Variants in GNA14 observed in about 807,000 individuals in gnomAD.
GNA14 encodes G protein subunit alpha 14.
GNA14 carries 50 observed loss-of-function variants against 42.0 expected under a neutral mutation model. The observed-to-expected ratio is 1.19, with a 90% CI of 0.95 to 1.51. The LOEUF is 1.51. Ranked by LOEUF, GNA14 falls within the 40% of genes most tolerant of loss-of-function variation. The pLI, the probability that GNA14 is intolerant of heterozygous loss-of-function variation, is 0.00. For synonymous variants in GNA14, 173 were observed against 163.1 expected (o/e 1.06, Z -0.46); for missense variants, 473 against 446.2 (o/e 1.06, Z -0.54).
intron 2 of GNA14, among the ~76,000 whole-genome samples, chr9:77,490,141 C>T (rs1279726962): frequency 1.3e-5 from 2 of 152,172 alleles, no homozygotes; most frequent in Non-Finnish European, 2.9e-5. Context: ...ATTTACAATC[C>T]CTGAGCTAGA....
At chr9:77,600,994 C>A (rs1356917097) in intron 1 of GNA14, among the ~76,000 whole-genome samples, 1 of 152,108 alleles carries the variant, frequency 6.6e-6, no homozygotes, top group African/African-American at 2.4e-5. Context: ...AGGAAAGGGT[C>A]GTCCGAGAAT....
intron 1 of GNA14, among the ~76,000 whole-genome samples, chr9:77,590,385 A>C (rs1823372058): frequency 6.6e-6 from 1 of 152,138 alleles, no homozygotes; most frequent in Non-Finnish European, 1.5e-5. Flanking sequence ...TCACAACAAA[A>C]CCAGCACAAT....
chr9:77,619,286 A>T (rs1823884575), intron 1 of GNA14, among the ~76,000 whole-genome samples: 2 of 152,154 alleles, frequency 1.3e-5, no homozygotes, highest in Non-Finnish European at 2.9e-5. Context: ...AGTTCACTGC[A>T]ACCTCCGCCT....
intron 2 of GNA14, among the ~76,000 whole-genome samples, chr9:77,481,329 G>A (rs989666543): frequency 7.2e-5 from 11 of 152,176 alleles, no homozygotes; most frequent in African/African-American, 2.7e-4. Context: ...TCAGGAGCAG[G>A]TTGTTCAGTT....
intron 2 of GNA14, among the ~76,000 whole-genome samples, chr9:77,476,719 C>T (rs540803463): frequency 2.0e-5 from 3 of 152,090 alleles, no homozygotes; most frequent in Admixed American, 6.6e-5. Context: ...GGAGGAGTAA[C>T]AAGAAAATTT....
intron 2 of GNA14, among the ~76,000 whole-genome samples, chr9:77,463,006 TAAAC>T (rs2131713781): frequency 6.6e-6 from 1 of 152,228 alleles, no homozygotes; most frequent in African/African-American, 2.4e-5. Flanking sequence ...CCAAGGGTAA[TAAAC>T]AACTCGAGGG....
At chr9:77,499,704 G>A (rs771312522) in intron 2 of GNA14, among the ~76,000 whole-genome samples, 10 of 151,958 alleles carry the variant, frequency 6.6e-5, no homozygotes, top group Non-Finnish European at 1.2e-4. Context: ...ACAAAAATTA[G>A]CCGGGCATGG....
At chr9:77,467,945 T>C (rs1210412273) in intron 2 of GNA14, among the ~76,000 whole-genome samples, 1 of 152,178 alleles carries the variant, frequency 6.6e-6, no homozygotes, top group Admixed American at 6.5e-5. Context: ...TTGACCTATC[T>C]ATGTCTGAAT....
In GNA14 at chr9:77,558,929, C is replaced by CAA. The variant is rs796275094; in HGVS notation, c.125-29678_125-29677dup. Among the ~76,000 whole-genome samples the CAA allele has an allele frequency of 4.6e-4, 67 of 144,916 alleles. 2 individuals are homozygous for CAA. Among genetic ancestry groups the CAA allele is most frequent in the East Asian group, 2.4e-3 (12 of 4,920 alleles). On this transcript the variant is annotated intron_variant, in intron 1 of 6. Coordinates refer to ENST00000341700, the MANE Select transcript of GNA14 (RefSeq NM_004297.4). ...AAAAAAGGTGTTAAAAAACAAAAAACAAAAAAAAAAACAAAAAACAAACAA... is the reference window on the plus strand; with the variant it reads ...AAAAAAGGTGTTAAAAAACAAAAAACAAAAAAAAAAAAACAAAAAACAAACAA...
chr9:77,443,713 T>C (rs1442990963), intron 2 of GNA14, among the ~76,000 whole-genome samples: 2 of 142,084 alleles, frequency 1.4e-5, no homozygotes, highest in Non-Finnish European at 3.1e-5. Context: ...CTGGGCACTG[T>C]AATTAATCCC....
At chr9:77,451,829 C>T (rs1372017735) in intron 2 of GNA14, among the ~76,000 whole-genome samples, 1 of 152,206 alleles carries the variant, frequency 6.6e-6, no homozygotes, top group Non-Finnish European at 1.5e-5. Flanking sequence ...GTGTCTCTCT[C>T]CTCAAGCATC....
At chr9:77,632,216 G>A (rs1021339699) in intron 1 of GNA14, among the ~76,000 whole-genome samples, 2 of 152,182 alleles carry the variant, frequency 1.3e-5, no homozygotes, top group African/African-American at 2.4e-5. Context: ...AGCCAAGGGG[G>A]GCACTGAGGG....
At chr9:77,425,445 G>A (rs1835438093) in intron 6 of GNA14, 117 bp downstream of exon 6, 3 of 666,276 alleles carry the variant, frequency 4.5e-6, no homozygotes, top group Non-Finnish European at 7.8e-6. Context: ...GGAATAGGGG[G>A]AGAGGCTATT....
At chr9:77,638,777 G>A (rs113818673) in intron 1 of GNA14, among the ~76,000 whole-genome samples, 1,841 of 152,292 alleles carry the variant, frequency 0.012, 54 homozygotes, top group African/African-American at 0.042. Context: ...AAATCAAGAG[G>A]ACACTGCAAT....
chr9:77,521,730 C>A (rs1837358310), intron 2 of GNA14, among the ~76,000 whole-genome samples: 1 of 152,154 alleles, frequency 6.6e-6, no homozygotes, highest in South Asian at 2.1e-4. Context: ...ATGTTTTATA[C>A]TTGATGAATT....
intron 3 of GNA14, among the ~76,000 whole-genome samples, chr9:77,433,458 C>T (rs964061447): frequency 6.6e-6 from 1 of 151,980 alleles, no homozygotes; most frequent in Non-Finnish European, 1.5e-5. Context: ...GTAATCATGG[C>T]TCATTGCAAC....
chr9:77,560,616 T>C (rs1290027421), intron 1 of GNA14, among the ~76,000 whole-genome samples: 1 of 152,112 alleles, frequency 6.6e-6, no homozygotes, highest in Non-Finnish European at 1.5e-5. Context: ...GTGCCTAGCC[T>C]GCTCCCCTGT....
At chr9:77,435,125 G>A (rs529718881) in intron 2 of GNA14, among the ~76,000 whole-genome samples, 23 of 151,074 alleles carry the variant, frequency 1.5e-4, no homozygotes, top group South Asian at 1.3e-3. Flanking sequence ...TTGGGAGGCC[G>A]AGGCGGGCCG....
intron 2 of GNA14, among the ~76,000 whole-genome samples, chr9:77,528,564 G>A (rs1564044118): frequency 1.3e-5 from 2 of 152,082 alleles, no homozygotes; most frequent in South Asian, 2.1e-4. Flanking sequence ...TTGCTGGCTG[G>A]GCCATTAGCA....
Sources: allele counts gnomAD v4.1 joint callset (sites outside exome capture counted in the v4.1 genomes callset), GRCh38; gene constraint gnomAD v4.1.1; transcripts MANE v1.5; gene names NCBI Gene and HGNC (gene_info 2026-07-23, HGNC 2026-07-21).